The following LAMC1 variants were observed in gnomAD, a reference collection of about 807,000 sequenced individuals.
LAMC1 encodes laminin subunit gamma-1.
In LAMC1, 38 loss-of-function variants were observed where a neutral mutation model predicts 173.6. The ratio of observed to expected loss-of-function variants is 0.22; its 90% CI spans 0.17 to 0.29. The LOEUF (loss-of-function observed/expected upper bound fraction) is 0.29, where lower values mean the gene tolerates loss of function less well. Ranked by LOEUF, LAMC1 falls within the 10% of genes least tolerant of loss-of-function variation. LAMC1 has a pLI of 1.00. For synonymous variants in LAMC1, 746 were observed against 749.1 expected, an observed-to-expected ratio of 1.00 and a Z score of 0.07; for missense variants, 1,824 against 2,051.8, an observed-to-expected ratio of 0.89 and a Z score of 2.14.
intron 6 of LAMC1, 124 bp from the exon 7 acceptor site, chr1:183,116,453 G>A: frequency 4.8e-6 from 3 of 628,638 alleles, no homozygotes; most frequent in East Asian, 2.8e-5. Flanking sequence ...CTCCATCCTG[G>A]GCGACAGTGT....
In LAMC1 at chr1:183,135,041, G is replaced by T; in HGVS notation, c.4000-1G>T. The T allele has an allele frequency of 6.2e-7, 1 of 1,612,456 alleles. No individual in the cohort carries two copies. The highest frequency in any genetic ancestry group is 8.5e-7 in the Non-Finnish European group (1 of 1,178,518). On this transcript the variant is annotated splice_acceptor_variant, in intron 23 of 27. Coordinates refer to ENST00000258341, the MANE Select transcript of LAMC1 (RefSeq NM_002293.4). LOFTEE classifies it high-confidence loss of function. The stretch of plus-strand genomic sequence containing the variant: ...TCCTCTCATCTGCCATGTGTTTGCA[G>T]ACCGCAGACCAACTCCTAGCCCGAG...
At chr1:183,095,787 C>T (rs1280344353) in intron 1 of LAMC1, among the ~76,000 whole-genome samples, 1 of 152,148 alleles carries the variant, frequency 6.6e-6, no homozygotes, top group Admixed American at 6.5e-5. Context: ...TTCCCCAGTT[C>T]TTGGCTTAAA....
chr1:183,134,950 T>C, intron 23 of LAMC1, 92 bp from the exon 24 acceptor site: 1 of 1,347,916 alleles, frequency 7.4e-7, no homozygotes, highest in Non-Finnish European at 1.1e-6. Flanking sequence ...CTGGCAAGTC[T>C]CAGGGTGGCA....
At position 183,134,864 on chromosome 1, in the gene LAMC1, A is replaced by T. The variant is rs1300165640; in HGVS notation, c.3999+55A>T. Reference sequence around the variant, plus strand: ...CTTGAGGCAACATTTGAACAGTCCAAATGGGTCTGTGATGATGCCGTACTT... The same window carrying T: ...CTTGAGGCAACATTTGAACAGTCCATATGGGTCTGTGATGATGCCGTACTT... On this transcript the variant is annotated intron_variant, in intron 23 of 27. Transcript: ENST00000258341. The T allele has an allele frequency of 3.8e-6, 6 of 1,559,018 alleles. No individual in the cohort carries two copies. In the Admixed American group the frequency reaches 7.2e-5, roughly 19 times the overall value.
intron 4 of LAMC1, among the ~76,000 whole-genome samples, chr1:183,114,228 C>G (rs933363061): frequency 6.6e-6 from 1 of 152,158 alleles, no homozygotes; most frequent in Admixed American, 6.5e-5. Context: ...TGCTACCACA[C>G]CCGGCTAATT....
chr1:183,057,449 A>G (rs563344404), intron 1 of LAMC1, among the ~76,000 whole-genome samples: 1 of 152,150 alleles, frequency 6.6e-6, no homozygotes, highest in East Asian at 1.9e-4. Flanking sequence ...CCCAAACCAT[A>G]TAGAAATTTA....
In LAMC1 at chr1:183,118,035, C is replaced by T. The variant is rs1571452297; in HGVS notation, c.1879C>T (p.Leu627Phe). The change falls in exon 11 of 28, where the codon CTC (leucine) becomes TTC (phenylalanine). Residue 627 changes from leucine to phenylalanine, a missense_variant and splice_region_variant. Physicochemically the swap from Leu to Phe is conservative, Grantham distance 22. Coordinates refer to ENST00000258341, the MANE Select transcript of LAMC1 (RefSeq NM_002293.4). ...SETTVKYVFR[L>F]HEATDYPWRP... ...ATGTGGCCCTTTCTTTCTCTCCAGG[C>T]TCCATGAAGCAACAGATTACCCTTG... is the stretch of plus-strand genomic sequence containing the variant. 1 of 1,594,336 alleles carries T rather than the reference C, an allele frequency of 6.3e-7. No individual in the cohort carries two copies.
intron 1 of LAMC1, among the ~76,000 whole-genome samples, chr1:183,092,485 G>A (rs966292637): frequency 2.0e-5 from 3 of 151,476 alleles, no homozygotes; most frequent in African/African-American, 7.3e-5. Context: ...AATGAAACTT[G>A]TGGAGATGAG....
At chr1:183,078,223 G>C (rs1242621179) in intron 1 of LAMC1, among the ~76,000 whole-genome samples, 1 of 152,116 alleles carries the variant, frequency 6.6e-6, no homozygotes, top group African/African-American at 2.4e-5. Flanking sequence ...AAGGCCCAAA[G>C]CTCAGTTAAT....
chr1:183,034,124 T>C (rs975683199), intron 1 of LAMC1, among the ~76,000 whole-genome samples: 2 of 152,240 alleles, frequency 1.3e-5, no homozygotes, highest in Non-Finnish European at 2.9e-5. Context: ...ATAAGACTGC[T>C]GGGGAGAAAA....
At chr1:183,139,762 T>C (rs1383666304) in intron 26 of LAMC1, among the ~76,000 whole-genome samples, 2 of 152,242 alleles carry the variant, frequency 1.3e-5, no homozygotes, top group Non-Finnish European at 2.9e-5. Context: ...CTATGACTCA[T>C]GCACAGTTAT....
intron 1 of LAMC1, among the ~76,000 whole-genome samples, chr1:183,069,105 CTACTG>C (rs1476554435): frequency 1.3e-5 from 2 of 152,186 alleles, no homozygotes; most frequent in African/African-American, 4.8e-5. Context: ...TACAGACTCT[CTACTG>C]TACCTGCTAT....
intron 6 of LAMC1, 102 bp downstream of exon 6, chr1:183,115,739 C>T (rs1026346732): frequency 5.3e-5 from 44 of 834,622 alleles, no homozygotes; most frequent in Non-Finnish European, 8.1e-5. Flanking sequence ...AACATTTTTC[C>T]TGTAATAATT....
chr1:183,114,623 G>C lies in LAMC1; in HGVS notation c.1114G>C (p.Asp372His), dbSNP rs1166864977. Residue 372 changes from aspartate (D) to histidine (H), a missense_variant, in exon 5 of 28, where the codon GAT (aspartate) becomes CAT (histidine). By Grantham distance (81) the Asp-to-His change is moderately conservative. Coordinates refer to ENST00000258341, the MANE Select transcript of LAMC1 (RefSeq NM_002293.4). The part of the protein sequence containing the change: ...GHGGHCTNCQ[D>H]NTDGAHCERC... ...TGGGGGCCACTGTACCAACTGCCAG[G>C]ATAACACAGATGGCGCCCACTGTGA... is the stretch of plus-strand genomic sequence containing the variant. 1 of 1,614,066 alleles carries C rather than the reference G, an allele frequency of 6.2e-7. No homozygotes were observed. The highest frequency in any genetic ancestry group is 8.5e-7 in the Non-Finnish European group (1 of 1,180,044).
At chr1:183,028,288 T>C (rs770189948) in intron 1 of LAMC1, among the ~76,000 whole-genome samples, 3 of 152,188 alleles carry the variant, frequency 2.0e-5, no homozygotes, top group Non-Finnish European at 4.4e-5. Flanking sequence ...GTGCATACAT[T>C]CTCATGTTAT....
At chr1:183,110,429 T>G in intron 3 of LAMC1, 59 bp from the exon 4 acceptor site, 1 of 1,335,230 alleles carries the variant, frequency 7.5e-7, no homozygotes, top group Non-Finnish European at 1.1e-6. Flanking sequence ...AGTTTTTCTG[T>G]GTGCATTTCT....
intron 1 of LAMC1, among the ~76,000 whole-genome samples, chr1:183,056,420 G>A (rs4546885): frequency 6.6e-6 from 1 of 151,866 alleles, no homozygotes; most frequent in African/African-American, 2.4e-5. Context: ...TTTCTTCCCT[G>A]TATGACCTTA....
chr1:183,054,988 CTT>C (rs34723564), intron 1 of LAMC1, among the ~76,000 whole-genome samples: 3,190 of 130,680 alleles, frequency 0.024, 112 homozygotes, highest in African/African-American at 0.081. Context: ...CTTTGTGCAT[CTT>C]TTTTTTTTTT....
intron 1 of LAMC1, among the ~76,000 whole-genome samples, chr1:183,084,258 G>C (rs1198391893): frequency 6.6e-6 from 1 of 152,074 alleles, no homozygotes; most frequent in East Asian, 1.9e-4. Flanking sequence ...CAGGAGAATG[G>C]CGTGAACCCG....
Sources: gnomAD v4.1 joint callset for allele counts (sites outside exome capture counted in the v4.1 genomes callset) on GRCh38, gnomAD v4.1.1 for gene constraint, MANE v1.5 for transcripts, NCBI Gene and HGNC (gene_info 2026-07-23, HGNC 2026-07-21) for gene names.